The following ZSCAN1 variants were observed in gnomAD, a reference collection of about 807,000 sequenced individuals.
The protein encoded by ZSCAN1 is zinc finger and SCAN domain containing 1, also known as zinc finger and SCAN domain-containing protein 1.
Under a neutral mutation model 23.8 loss-of-function variants are expected in ZSCAN1, and 23 were observed. The observed-to-expected ratio is 0.97, with a 90% CI of 0.70 to 1.37. ZSCAN1 has a LOEUF of 1.37. Ranked by LOEUF, ZSCAN1 falls within the 40% of genes most tolerant of loss-of-function variation. ZSCAN1 has a pLI of 0.00. For missense variants in ZSCAN1, 575 were observed against 554.0 expected (o/e 1.04, Z -0.38); for synonymous variants, 236 against 232.3 (o/e 1.02, Z -0.15).
chr19:58,053,769 C>T lies in ZSCAN1; in HGVS notation c.945C>T (p.Arg315=), dbSNP rs370513764. The part of the protein sequence containing the change: ...THFIEHQKTH[R]EEGPFPCPEC... ...TCATCGAGCACCAGAAGACCCATCG[C>T]GAGGAAGGGCCCTTTCCGTGCCCCG... is the stretch of plus-strand genomic sequence containing the variant. Residue 315 remains arginine (R), a synonymous_variant, in exon 6 of 6, where the codon CGC becomes CGT. Transcript: ENST00000282326. This position sits in a 1 kb window ranked among gnomAD's most constrained non-coding sequence, Gnocchi z 5.8. 2.5e-5 allele frequency: 41 copies of T among 1,613,762 alleles called. No individual in the cohort carries two copies. In the Middle Eastern group the frequency reaches 4.9e-4, roughly 19 times the overall value.
rs1164826410 is a variant in ZSCAN1, at chr19:58,053,232, C to T, written c.605-197C>T. 1.3e-5 allele frequency among the ~76,000 whole-genome samples: 2 copies of T among 152,204 alleles called. No homozygotes were observed. Among genetic ancestry groups the T allele is most frequent in the African/African-American group, 4.8e-5 (2 of 41,452 alleles). On this transcript the variant is annotated intron_variant, in intron 5 of 5. Transcript: ENST00000282326. This position sits in a 1 kb window ranked among gnomAD's most constrained non-coding sequence, Gnocchi z 5.8. ...TCGGCCTCCCAAAGTGCTGGGATTA[C>T]AGGCATGAGCCACTGCACCGGCCAC...
Position 58,037,959 on chromosome 19 carries a change from C to G in ZSCAN1, c.123C>G (p.Phe41Leu). ...PRDTEAQRLR[F>L]RQFQYHVASG... ...ACACCGAAGCCCAGCGTCTGCGCTT[C>G]CGGCAGTTCCAGTACCACGTGGCGA... is the stretch of plus-strand genomic sequence containing the variant. The change falls in exon 3 of 6, where the codon TTC (phenylalanine) becomes TTG (leucine). Residue 41 changes from phenylalanine (F) to leucine (L), a missense_variant. Phe to Leu is a conservative substitution (Grantham distance 22, BLOSUM62 0). Coordinates refer to ENST00000282326, the MANE Select transcript of ZSCAN1 (RefSeq NM_182572.4). 2.5e-6 allele frequency: 4 copies of G among 1,605,436 alleles called. No homozygotes were observed. The highest frequency in any genetic ancestry group is 3.4e-6 in the Non-Finnish European group (4 of 1,179,510).
At position 58,040,914 on chromosome 19, in the gene ZSCAN1, C is replaced by T. The variant is rs997565421; in HGVS notation, c.465+370C>T. On this transcript the variant is annotated intron_variant, in intron 4 of 5. Transcript: ENST00000282326. This position sits in a 1 kb window ranked among gnomAD's most constrained non-coding sequence, Gnocchi z 5.8. ...CCCTCAGTGAACCCAGGATTCTGGG[C>T]GGGCCCAGAAGGAAATGCTGAGGGC... Among the ~76,000 whole-genome samples the T allele has an allele frequency of 2.0e-4, 30 of 152,152 alleles. 1 individual carries two copies. The highest frequency in any genetic ancestry group is 7.4e-5 in the Non-Finnish European group (5 of 68,024).
At chr19:58,044,883 GC>G in intron 4 of ZSCAN1, 1 of 785,516 alleles carries the variant, frequency 1.3e-6, no homozygotes, top group South Asian at 1.4e-5. Flanking sequence ...TGGTCCTGGG[GC>G]CTCGGTGCCT....
chr19:58,048,628 T>C (rs907345433), intron 4 of ZSCAN1, among the ~76,000 whole-genome samples: 1 of 152,200 alleles, frequency 6.6e-6, no homozygotes, highest in East Asian at 1.9e-4. Flanking sequence ...TGGCTAATTT[T>C]TGTACTTTTA....
At chr19:58,036,217 G>A (rs1268891794) in intron 2 of ZSCAN1, among the ~76,000 whole-genome samples, 1 of 152,130 alleles carries the variant, frequency 6.6e-6, no homozygotes, top group Non-Finnish European at 1.5e-5. Flanking sequence ...GGAGGTAGTT[G>A]ATCCCACCAC....
rs759599873 is a variant in ZSCAN1, at chr19:58,052,555, G to A, written c.531G>A (p.Leu177=). The A allele has an allele frequency of 1.1e-5, 17 of 1,613,894 alleles. No homozygotes were observed. Among genetic ancestry groups the A allele is most frequent in the South Asian group, 6.6e-5 (6 of 91,096 alleles). The change falls in exon 5 of 6, where the codon CTG becomes CTA. Residue 177 remains leucine (L), a synonymous_variant. Coordinates refer to ENST00000282326, the MANE Select transcript of ZSCAN1 (RefSeq NM_182572.4). The stretch of plus-strand genomic sequence containing the variant: ...CACTCCCCGAGGAAAGTGAGTGGCT[G>A]GAGACTACCCAGCTCCAGCAGAGTC... ...APALPEESEW[L]ETTQLQQSLH...
intron 1 of ZSCAN1, among the ~76,000 whole-genome samples, chr19:58,034,897 C>T (rs1454314754): frequency 6.6e-6 from 1 of 151,744 alleles, no homozygotes; most frequent in East Asian, 1.9e-4. Context: ...GCCCTCCCCA[C>T]TGTAAGCCCC....
chr19:58,038,086 G>A lies in ZSCAN1; in HGVS notation c.250G>A (p.Glu84Lys). Residue 84 changes from glutamate to lysine, a missense_variant, in exon 3 of 6, where the codon GAG (glutamate) becomes AAG (lysine). By Grantham distance (56) the Glu-to-Lys change is moderately conservative. Transcript: ENST00000282326. ...KEQMLELLVL[E>K]QFLGALPSKM... ...GCAGATGCTGGAGCTGCTGGTGCTG[G>A]AGCAGTTCCTGGGCGCGCTGCCCAG... 1 of 1,611,606 alleles carries A rather than the reference G, an allele frequency of 6.2e-7. No homozygotes were observed. Among genetic ancestry groups the A allele is most frequent in the Middle Eastern group, 1.9e-4 (1 of 5,274 alleles).
chr19:58,052,977 CGA>C (rs2073868250), intron 5 of ZSCAN1, among the ~76,000 whole-genome samples: 3 of 129,564 alleles, frequency 2.3e-5, no homozygotes, highest in Non-Finnish European at 5.0e-5. Context: ...TTTTTTTTTT[CGA>C]GACAGAGTCT....
Position 58,044,054 on chromosome 19 carries a change from A to G in ZSCAN1, c.465+3510A>G, listed in dbSNP as rs558928299. Among the ~76,000 whole-genome samples, 198 of 151,950 alleles carry G rather than the reference A, an allele frequency of 1.3e-3. 1 individual carries two copies. The highest frequency in any genetic ancestry group is 4.4e-3 in the African/African-American group (181 of 41,532). ...GGGAGGCCGCGGCGGGCGGATCACT[A>G]GAGGTCAGGCCTTCGAGACCAGCGT... On this transcript the variant is annotated intron_variant, in intron 4 of 5. Coordinates refer to ENST00000282326, the MANE Select transcript of ZSCAN1 (RefSeq NM_182572.4).
rs972799229 is a variant in ZSCAN1, at chr19:58,049,860, T to G, written c.466-2630T>G. ...CTTTGTGCATAGCGATCTCCTGGCA[T>G]CTCAGGTATGCATTATCTCACCGGT... On this transcript the variant is annotated intron_variant, in intron 4 of 5. Coordinates refer to ENST00000282326, the MANE Select transcript of ZSCAN1 (RefSeq NM_182572.4). The surrounding 1 kb of genome is among the most constrained non-coding windows in gnomAD (Gnocchi z 4.5). Among the ~76,000 whole-genome samples, 1 of 152,212 alleles carries G rather than the reference T, an allele frequency of 6.6e-6. No homozygotes were observed. Among genetic ancestry groups the G allele is most frequent in the African/African-American group, 2.4e-5 (1 of 41,448 alleles).
At position 58,045,744 on chromosome 19, in the gene ZSCAN1, C is replaced by CCCT. The variant is rs749925255; in HGVS notation, c.465+5201_465+5202insCTC. 20 of 1,350,942 alleles carry CCCT rather than the reference C, an allele frequency of 1.5e-5. 2 individuals are homozygous for CCCT. In the South Asian group the frequency reaches 2.2e-4, roughly 15 times the overall value. 83.7% of individuals were successfully genotyped at this position (1,350,942 alleles called of 1,614,324 possible). On this transcript the variant is annotated intron_variant, in intron 4 of 5. Transcript: ENST00000282326. The surrounding 1 kb of genome is among the most constrained non-coding windows in gnomAD (Gnocchi z 4.3). Reference sequence around the variant, plus strand: ...GGGCCCTGGGCGTCAGGGAAAACCACCTGAGGGGCCAGCTGAAGCAGTGGC... The same window carrying CCCT: ...GGGCCCTGGGCGTCAGGGAAAACCACCCTCTGAGGGGCCAGCTGAAGCAGTGGC...
At chr19:58,042,728 A>G (rs1271606797) in intron 4 of ZSCAN1, among the ~76,000 whole-genome samples, 1 of 152,040 alleles carries the variant, frequency 6.6e-6, no homozygotes, top group Non-Finnish European at 1.5e-5. Context: ...CTCCCATCCC[A>G]GACGCCACGT....
intron 4 of ZSCAN1, among the ~76,000 whole-genome samples, chr19:58,043,156 G>T (rs2073801668): frequency 6.6e-6 from 1 of 152,270 alleles, no homozygotes; most frequent in African/African-American, 2.4e-5. Flanking sequence ...GCGCGGGGCA[G>T]CCCGGCTCGC....
chr19:58,053,558 G>A lies in ZSCAN1; in HGVS notation c.734G>A (p.Arg245Lys), dbSNP rs1259907293. 1 of 1,614,196 alleles carries A rather than the reference G, an allele frequency of 6.2e-7. No homozygotes were observed. Among genetic ancestry groups the A allele is most frequent in the Non-Finnish European group, 8.5e-7 (1 of 1,180,042 alleles). ...ISSPKGPSAQ[R>K]ISPRRRNRNT... ...AGCCCCAAGGGTCCAAGTGCTCAGA[G>A]AATCAGTCCCCGAAGGAGAAACAGG... The change falls in exon 6 of 6, where the codon AGA becomes AAA. Residue 245 changes from arginine (R) to lysine (K), a missense_variant. By Grantham distance (26) the Arg-to-Lys change is conservative. Transcript: ENST00000282326. The surrounding 1 kb of genome is among the most constrained non-coding windows in gnomAD (Gnocchi z 5.8).
chr19:58,044,742 T>C (rs2073813246), intron 4 of ZSCAN1: 3 of 732,224 alleles, frequency 4.1e-6, no homozygotes, highest in South Asian at 1.4e-5. Flanking sequence ...AAGTTTCATT[T>C]GGCTGCTGCA....
chr19:58,045,354 C>G lies in ZSCAN1; in HGVS notation c.465+4810C>G, dbSNP rs1040107793. ...GAGGCTGAAGGAGCTTCAGGTCAAG[C>G]TGGAGCTAGCCGAGTTCCTCCAGGA... is the stretch of plus-strand genomic sequence containing the variant. On this transcript the variant is annotated intron_variant, in intron 4 of 5. Transcript: ENST00000282326. This position sits in a 1 kb window ranked among gnomAD's most constrained non-coding sequence, Gnocchi z 4.3. 4 of 816,030 alleles carry G rather than the reference C, an allele frequency of 4.9e-6. No homozygotes were observed. Among genetic ancestry groups the G allele is most frequent in the Non-Finnish European group, 8.9e-6 (4 of 450,882 alleles). The allele number at this position is 816,030 out of a possible 1,614,324, so 50.5% of individuals were successfully genotyped here.
intron 2 of ZSCAN1, among the ~76,000 whole-genome samples, chr19:58,037,454 G>T (rs561139956): frequency 8.8e-5 from 12 of 136,176 alleles, no homozygotes; most frequent in African/African-American, 3.2e-4. Context: ...AAGGATGATG[G>T]CCAGGACATC....
Sources: allele counts gnomAD v4.1 joint callset (sites outside exome capture counted in the v4.1 genomes callset), GRCh38; gene constraint gnomAD v4.1.1; non-coding constraint Gnocchi (gnomAD v3.1); transcripts MANE v1.5; gene names NCBI Gene and HGNC (gene_info 2026-07-23, HGNC 2026-07-21).